Variants in KRT86 observed in about 807,000 individuals in gnomAD.
The protein encoded by KRT86 is keratin, type II cuticular Hb6.
In KRT86, 30 loss-of-function variants were observed where a neutral mutation model predicts 41.2. The observed-to-expected ratio is 0.73, with a 90% CI of 0.54 to 0.99. The LOEUF (loss-of-function observed/expected upper bound fraction) is 0.99. Ranked by LOEUF, KRT86 falls within the 50% of genes least tolerant of loss-of-function variation. KRT86 has a pLI of 0.00. For missense variants in KRT86, 561 were observed against 571.4 expected (o/e 0.98, Z 0.19); for synonymous variants, 238 against 238.1 (o/e 1.00, Z 0.00).
At chr12:52,287,762 C>G (rs1206930134) in intron 2 of KRT86, 1 of 1,614,012 alleles carries the variant, frequency 6.2e-7, no homozygotes. Context: ...AGGGTGGGAC[C>G]TCCCATCCAT....
chr12:52,287,557 C>A (rs1937988346), intron 2 of KRT86: 7 of 1,613,790 alleles, frequency 4.3e-6, no homozygotes, highest in African/African-American at 1.3e-5. Flanking sequence ...AATGGTTAGG[C>A]CCTCGGTCTC....
At chr12:52,275,476 T>A (rs551037166) in intron 1 of KRT86, among the ~76,000 whole-genome samples, 1 of 152,372 alleles carries the variant, frequency 6.6e-6, no homozygotes, top group East Asian at 1.9e-4. Flanking sequence ...TGTTGTAAAC[T>A]ACAATAATCA....
chr12:52,291,302 C>T (rs1222206060), intron 2 of KRT86: 107 of 1,542,844 alleles, frequency 6.9e-5, no homozygotes, highest in Non-Finnish European at 8.9e-5. Flanking sequence ...GGAGCCGGCC[C>T]GAAAGCCTCC....
chr12:52,287,002 T>C, intron 2 of KRT86: 2 of 1,601,602 alleles, frequency 1.2e-6, no homozygotes, highest in Non-Finnish European at 1.7e-6. Context: ...AATAATATTT[T>C]TTTCCCCCAG....
intron 2 of KRT86, chr12:52,291,406 C>A (rs75660643): frequency 4.3e-6 from 7 of 1,610,610 alleles, no homozygotes; most frequent in Non-Finnish European, 5.1e-6. Context: ...GGCCGGGCCG[C>A]GGCCCGCAGG....
At chr12:52,279,789 C>G (rs879177877) in intron 2 of KRT86, among the ~76,000 whole-genome samples, 1 of 152,182 alleles carries the variant, frequency 6.6e-6, no homozygotes, top group Admixed American at 6.5e-5. Context: ...AGAGTCTAGC[C>G]TGGGGCCCAT....
At chr12:52,303,468 CT>C (rs1938431957) in intron 4 of KRT86, among the ~76,000 whole-genome samples, 160 bp downstream of exon 4, 1 of 92,312 alleles carries the variant, frequency 1.1e-5, no homozygotes. Context: ...GCCCAGACAC[CT>C]GTGTAAGAGG....
rs781043236 is a variant in KRT86, at chr12:52,304,935, G to A, written c.643G>A (p.Val215Met). ...ENEFVALKKDVDCAYLRKSDL... is the reference protein window; with the variant it reads ...ENEFVALKKDMDCAYLRKSDL... ...CCAACACTCCCCACCTTTCCAGGAT[G>A]TGGACTGCGCCTACCTCCGCAAATC... The change falls in exon 6 of 11, where the codon GTG becomes ATG. Residue 215 changes from valine to methionine, a missense_variant. Around this residue, in one of 3 missense-constraint regions of KRT86, gnomAD observed 397 missense variants for 375.9 expected, o/e 1.06. Coordinates refer to ENST00000423955, the MANE Select transcript of KRT86 (RefSeq NM_001320198.2). 9 of 1,614,134 alleles carry A rather than the reference G, an allele frequency of 5.6e-6. No individual in the cohort carries two copies. The highest frequency in any genetic ancestry group is 3.3e-5 in the South Asian group (3 of 91,078).
At chr12:52,304,880 T>C in intron 5 of KRT86, 52 bp from the exon 6 acceptor site, 2 of 1,587,398 alleles carry the variant, frequency 1.3e-6, no homozygotes, top group African/African-American at 1.3e-5. Flanking sequence ...GAGAGGAATC[T>C]AGAGGCTGGA....
chr12:52,297,412 A>G (rs1938276176), intron 2 of KRT86, among the ~76,000 whole-genome samples: 1 of 152,230 alleles, frequency 6.6e-6, no homozygotes, highest in Non-Finnish European at 1.5e-5. Flanking sequence ...AGGATTGAGC[A>G]TAGAGCTAGG....
intron 2 of KRT86, chr12:52,287,808 T>A (rs1301835941): frequency 1.2e-6 from 2 of 1,610,476 alleles, no homozygotes; most frequent in African/African-American, 2.7e-5. Flanking sequence ...GGTTGTACAG[T>A]GCTCAGCCTG....
At chr12:52,277,449 G>C (rs1205342189) in intron 2 of KRT86, 2 of 152,254 alleles carry the variant, frequency 1.3e-5, no homozygotes. Flanking sequence ...GGATCCTTAA[G>C]GGGGAAGGAG....
intron 2 of KRT86, among the ~76,000 whole-genome samples, chr12:52,283,078 A>G (rs1043276426): frequency 3.9e-5 from 6 of 152,130 alleles, no homozygotes; most frequent in Non-Finnish European, 5.9e-5. Flanking sequence ...TCTAGCCCCT[A>G]ATCCTGTCCC....
At chr12:52,276,323 T>C (rs1387674258) in intron 2 of KRT86, among the ~76,000 whole-genome samples, 1 of 152,222 alleles carries the variant, frequency 6.6e-6, no homozygotes, top group Admixed American at 6.5e-5. Context: ...GGGTTCTATT[T>C]CAAAATGTGA....
chr12:52,308,726 C>T lies in KRT86; in HGVS notation c.*141C>T, dbSNP rs955831468. ...ACTCTAAGCGCCCTCCCCACCGCTC[C>T]GCTCCGGGAGCCATCCCCGGTCGCA... On this transcript the variant is annotated 3_prime_UTR_variant, in exon 11 of 11. Coordinates refer to ENST00000423955, the MANE Select transcript of KRT86 (RefSeq NM_001320198.2). 5 of 774,666 alleles carry T rather than the reference C, an allele frequency of 6.5e-6. No homozygotes were observed. Among genetic ancestry groups the T allele is most frequent in the East Asian group, 2.7e-5 (1 of 36,702 alleles). The allele number at this position is 774,666 out of a possible 1,614,324, so 48.0% of individuals were successfully genotyped here.
intron 2 of KRT86, among the ~76,000 whole-genome samples, chr12:52,299,752 G>A (rs1271715323): frequency 1.3e-5 from 2 of 152,192 alleles, no homozygotes; most frequent in Admixed American, 6.5e-5. Flanking sequence ...TTTGAGAAAT[G>A]TCTATTCAGA....
chr12:52,301,907 A>C lies in KRT86; in HGVS notation c.-4-6A>C, dbSNP rs776039120. On this transcript the variant is annotated splice_polypyrimidine_tract_variant and splice_region_variant and intron_variant, in intron 2 of 10. Transcript: ENST00000423955. ...ATCCTCAGAACCTCCTCTCTTCCCC[A>C]AAAAGCACCATGACTTGTGGATCTT... 13 of 1,613,636 alleles carry C rather than the reference A, an allele frequency of 8.1e-6. No individual in the cohort carries two copies. Among genetic ancestry groups the C allele is most frequent in the African/African-American group, 8.0e-5 (6 of 74,914 alleles).
chr12:52,288,596 C>A, intron 2 of KRT86: 1 of 1,069,280 alleles, frequency 9.4e-7, no homozygotes, highest in Non-Finnish European at 1.5e-6. Flanking sequence ...CCCTTCTGCC[C>A]TTCCTGGGAT....
At chr12:52,291,029 T>A in intron 2 of KRT86, 1 of 465,922 alleles carries the variant, frequency 2.1e-6, no homozygotes, top group South Asian at 2.1e-5. Context: ...TCTGACTCCA[T>A]CCTTAGTGCC....
Sources: allele counts gnomAD v4.1 joint callset (sites outside exome capture counted in the v4.1 genomes callset), GRCh38; gene constraint gnomAD v4.1.1; regional missense constraint gnomAD v4.1.1; transcripts MANE v1.5; gene names NCBI Gene and HGNC (gene_info 2026-07-23, HGNC 2026-07-21).